Variants in EPHB1 observed in about 807,000 individuals in gnomAD.
EPHB1 encodes ephrin type-B receptor 1.
Under a neutral mutation model 94.4 loss-of-function variants are expected in EPHB1, and 30 were observed. The observed-to-expected ratio is 0.32, with a 90% CI of 0.24 to 0.43. The LOEUF is 0.43. Among genes scored for constraint, EPHB1 ranks in the 20% least tolerant of loss-of-function variants. The pLI is 1.00. For missense variants in EPHB1, 1,055 were observed against 1,308.3 expected, an observed-to-expected ratio of 0.81 and a Z score of 2.99; for synonymous variants, 522 against 489.1, an observed-to-expected ratio of 1.07 and a Z score of -0.89.
intron 3 of EPHB1, among the ~76,000 whole-genome samples, chr3:134,960,642 G>A (rs1933478071): frequency 6.6e-6 from 1 of 152,178 alleles, no homozygotes. Flanking sequence ...ATCCTCTTGT[G>A]TATGTATGAC....
chr3:134,811,016 C>T (rs552231253), intron 1 of EPHB1, among the ~76,000 whole-genome samples: 16 of 152,186 alleles, frequency 1.1e-4, no homozygotes, highest in Admixed American at 4.6e-4. Flanking sequence ...TGTGAGGGCT[C>T]GTGTGGCCCC....
Position 135,138,707 on chromosome 3 carries a change from G to A in EPHB1, c.1297+5658G>A, listed in dbSNP as rs531360792. 4.1e-4 allele frequency among the ~76,000 whole-genome samples: 62 copies of A among 152,166 alleles called. 1 individual carries two copies. Among genetic ancestry groups the A allele is most frequent in the African/African-American group, 1.3e-3 (56 of 41,520 alleles). On this transcript the variant is annotated intron_variant, in intron 5 of 15. Coordinates refer to ENST00000398015, the MANE Select transcript of EPHB1 (RefSeq NM_004441.5). The stretch of plus-strand genomic sequence containing the variant: ...AAGGACTTGAAAGAAAACTTTCATC[G>A]AAGTTAATAAAGAAAAGTTAAAAAA...
At chr3:135,248,202 C>A in intron 13 of EPHB1, 114 bp from the exon 14 acceptor site, 1 of 1,014,468 alleles carries the variant, frequency 9.9e-7, no homozygotes, top group Non-Finnish European at 1.4e-6. Flanking sequence ...AAGCACAGAG[C>A]AAGGGCATCT....
chr3:134,951,884 G>A lies in EPHB1; in HGVS notation c.637G>A (p.Ala213Thr), dbSNP rs751181388. The change falls in exon 3 of 16, where the codon GCA becomes ACA. Residue 213 changes from alanine to threonine, a missense_variant. Ala to Thr is a moderately conservative substitution (Grantham distance 58). Transcript: ENST00000398015. This position sits in a 1 kb window ranked among gnomAD's most constrained non-coding sequence, Gnocchi z 4.5. ...AGTGTTTCCAGAGACTATGACAGGG[G>A]CAGAGAGCACATCTCTGGTGATTGC... is the stretch of plus-strand genomic sequence containing the variant. Reference protein sequence around the residue: ...FAVFPETMTGAESTSLVIARG... With the variant: ...FAVFPETMTGTESTSLVIARG... 3.7e-6 allele frequency: 6 copies of A among 1,613,988 alleles called. No homozygotes were observed. Among genetic ancestry groups the A allele is most frequent in the Non-Finnish European group, 5.1e-6 (6 of 1,179,894 alleles).
chr3:135,003,402 G>T (rs890724122), intron 3 of EPHB1, among the ~76,000 whole-genome samples: 23 of 149,536 alleles, frequency 1.5e-4, no homozygotes, highest in South Asian at 4.3e-4. Context: ...TTTGGAATAG[G>T]TGTGGTGTGG....
chr3:135,165,922 T>C (rs1289487255), intron 7 of EPHB1, 46 bp from the exon 8 acceptor site: 2 of 1,426,546 alleles, frequency 1.4e-6, no homozygotes, highest in Non-Finnish European at 2.0e-6. Flanking sequence ...ATCAGCTGTA[T>C]GCAAAAGGCA....
Position 134,951,318 on chromosome 3 carries a change from C to A in EPHB1, c.124-53C>A. 1.4e-6 allele frequency: 2 copies of A among 1,462,506 alleles called. No homozygotes were observed. Among genetic ancestry groups the A allele is most frequent in the South Asian group, 1.5e-5 (1 of 68,304 alleles). The allele number at this position is 1,462,506 out of a possible 1,614,324, so 90.6% of individuals were successfully genotyped here. Reference sequence around the variant, plus strand: ...TCTGCTATGCCTATTTTTGTATTCTCACTCTCTATTTTGTGTTTTTGCATG... The same window carrying A: ...TCTGCTATGCCTATTTTTGTATTCTAACTCTCTATTTTGTGTTTTTGCATG... On this transcript the variant is annotated intron_variant, in intron 2 of 15. Coordinates refer to ENST00000398015, the MANE Select transcript of EPHB1 (RefSeq NM_004441.5). This position sits in a 1 kb window ranked among gnomAD's most constrained non-coding sequence, Gnocchi z 4.5.
chr3:135,245,513 CA>C (rs57521935), intron 13 of EPHB1, among the ~76,000 whole-genome samples: 81 of 124,006 alleles, frequency 6.5e-4, no homozygotes, highest in African/African-American at 2.4e-3. Flanking sequence ...GAACAGTCTT[CA>C]AAAAAAAAAA....
At chr3:135,146,918 T>A (rs1191321267) in intron 5 of EPHB1, among the ~76,000 whole-genome samples, 1 of 152,148 alleles carries the variant, frequency 6.6e-6, no homozygotes, top group African/African-American at 2.4e-5. Context: ...TGGGATCTGG[T>A]TGAAAGGAGC....
intron 3 of EPHB1, among the ~76,000 whole-genome samples, chr3:135,014,679 G>T (rs1470007333): frequency 6.6e-6 from 1 of 152,164 alleles, no homozygotes; most frequent in Non-Finnish European, 1.5e-5. Context: ...CCAGCGTCCA[G>T]GTCACCCTTC....
In EPHB1 at chr3:135,131,922, C is replaced by T. The variant is rs571415976; in HGVS notation, c.962-792C>T. On this transcript the variant is annotated intron_variant, in intron 4 of 15. Transcript: ENST00000398015. ...TGGCTTCAGTTCTTACAGAGCTATG[C>T]GATCTATAGCCAGCCTCCTTTCTAA... 7.2e-4 allele frequency among the ~76,000 whole-genome samples: 110 copies of T among 152,226 alleles called. 2 individuals carry two copies. The highest frequency in any genetic ancestry group is 2.3e-3 in the African/African-American group (96 of 41,534).
At chr3:135,188,310 C>T (rs980537974) in intron 10 of EPHB1, among the ~76,000 whole-genome samples, 1 of 151,974 alleles carries the variant, frequency 6.6e-6, no homozygotes, top group Admixed American at 6.6e-5. Context: ...GCCTGGCCAA[C>T]ATAATGAACC....
At chr3:134,822,042 G>C (rs1244128082) in intron 1 of EPHB1, among the ~76,000 whole-genome samples, 1 of 152,202 alleles carries the variant, frequency 6.6e-6, no homozygotes, top group African/African-American at 2.4e-5. Context: ...CTCCCCATAA[G>C]TCCTTGTGCT....
chr3:135,005,624 G>C (rs1294944638), intron 3 of EPHB1, among the ~76,000 whole-genome samples: 3 of 152,240 alleles, frequency 2.0e-5, no homozygotes, highest in Non-Finnish European at 2.9e-5. Flanking sequence ...CGTGGGTGTA[G>C]GACCCTCCGA....
At chr3:135,037,844 G>A (rs1936696925) in intron 3 of EPHB1, among the ~76,000 whole-genome samples, 1 of 152,174 alleles carries the variant, frequency 6.6e-6, no homozygotes, top group African/African-American at 2.4e-5. Flanking sequence ...TATTAAACCA[G>A]GTTTTCTCTG....
chr3:134,998,323 G>A (rs1337794024), intron 3 of EPHB1, among the ~76,000 whole-genome samples: 18 of 152,072 alleles, frequency 1.2e-4, no homozygotes, highest in Admixed American at 1.2e-3. Flanking sequence ...ATGTTTTCTG[G>A]GCAAGGAAGA....
At chr3:134,882,762 C>CCTCT in intron 1 of EPHB1, among the ~76,000 whole-genome samples, 1 of 32,562 alleles carries the variant, frequency 3.1e-5, no homozygotes, top group Non-Finnish European at 6.7e-5. Flanking sequence ...TTCTTCCTTC[C>CCTCT]TTCCTTTCTT....
At chr3:134,798,943 T>C (rs947778879) in intron 1 of EPHB1, among the ~76,000 whole-genome samples, 2 of 152,226 alleles carry the variant, frequency 1.3e-5, no homozygotes, top group Admixed American at 1.3e-4. Flanking sequence ...TGCGGCACAC[T>C]GGCTGATGGG....
chr3:135,241,210 A>T lies in EPHB1; in HGVS notation c.2409A>T (p.Ser803=). The change falls in exon 13 of 16, where the codon TCA becomes TCT. Residue 803 remains serine, a synonymous_variant. Coordinates refer to ENST00000398015, the MANE Select transcript of EPHB1 (RefSeq NM_004441.5). ...PEAIAYRKFT[S]ASDVWSYGIV... ...CCATCGCCTACCGCAAGTTCACTTC[A>T]GCCAGCGACGTTTGGAGCTATGGGA... The T allele has an allele frequency of 6.2e-7, 1 of 1,614,216 alleles. No homozygotes were observed. The highest frequency in any genetic ancestry group is 8.5e-7 in the Non-Finnish European group (1 of 1,180,048).
Sources: allele counts gnomAD v4.1 joint callset (sites outside exome capture counted in the v4.1 genomes callset), GRCh38; gene constraint gnomAD v4.1.1; non-coding constraint Gnocchi (gnomAD v3.1); transcripts MANE v1.5; gene names NCBI Gene and HGNC (gene_info 2026-07-23, HGNC 2026-07-21).